Variants in EPN2 observed in about 807,000 individuals in gnomAD.
EPN2 encodes the protein epsin 2.
Under a neutral mutation model 61.7 loss-of-function variants are expected in EPN2, and 34 were observed. That is an observed-to-expected ratio of 0.55 (90% CI 0.42 to 0.73). The LOEUF (loss-of-function observed/expected upper bound fraction) is 0.73, where lower values mean the gene tolerates loss of function less well. Among genes scored for constraint, EPN2 ranks in the 30% least tolerant of loss-of-function variants. The pLI is 0.00. For synonymous variants in EPN2, 349 were observed against 353.6 expected (o/e 0.99, Z 0.15); for missense variants, 714 against 839.2 (o/e 0.85, Z 1.84).
chr17:19,329,057 T>A, intron 8 of EPN2, 170 bp downstream of exon 8: 1 of 593,614 alleles, frequency 1.7e-6, no homozygotes. Context: ...AGTGTGAGAG[T>A]GAGTGAGTGC....
chr17:19,328,072 TTC>T (rs1346125790), intron 7 of EPN2, among the ~76,000 whole-genome samples: 3 of 152,182 alleles, frequency 2.0e-5, no homozygotes, highest in Non-Finnish European at 4.4e-5. Context: ...AAAAATTTTT[TTC>T]TCTGTTTTTT....
chr17:19,300,511 C>T (rs1009393281), intron 4 of EPN2, among the ~76,000 whole-genome samples: 7 of 147,316 alleles, frequency 4.8e-5, no homozygotes, highest in Non-Finnish European at 8.9e-5. Flanking sequence ...TCACTGCAGC[C>T]TCCGCCTCCT....
intron 10 of EPN2, among the ~76,000 whole-genome samples, chr17:19,332,757 A>G (rs576587411): frequency 7.9e-5 from 12 of 152,188 alleles, no homozygotes; most frequent in Non-Finnish European, 1.3e-4. Flanking sequence ...TAATGAAAGC[A>G]TCTTCCTCAT....
In EPN2 at chr17:19,334,300, C is replaced by T. The variant is rs11656071; in HGVS notation, c.*46C>T. 0.2 allele frequency: 268,497 copies of T among 1,351,334 alleles called. 30,161 individuals carry two copies. The highest frequency in any genetic ancestry group is 0.23 in the Non-Finnish European group (236,260 of 1,039,044). 83.7% of individuals were successfully genotyped at this position (1,351,334 alleles called of 1,614,324 possible). A position where few individuals can be genotyped will look rare whatever the true frequency, so the allele number is the denominator to read the frequency against. ...CCAGAGCACCTGTGCTGGAGGATGC[C>T]GAGCAGGGACTCTCGTCTGTGGGAC... On this transcript the variant is annotated 3_prime_UTR_variant, in exon 11 of 11. Transcript: ENST00000314728. The surrounding 1 kb of genome is among the most constrained non-coding windows in gnomAD (Gnocchi z 4.9).
chr17:19,282,554 A>G (rs2045368371), intron 2 of EPN2: 1 of 152,212 alleles, frequency 6.6e-6, no homozygotes, highest in South Asian at 2.1e-4. Context: ...TCAGCTTCGC[A>G]AAGTGCTGGG....
In EPN2 at chr17:19,285,300, G is replaced by A. The variant is rs1597994399; in HGVS notation, c.596-320G>A. Among the ~76,000 whole-genome samples, 3 of 152,230 alleles carry A rather than the reference G, an allele frequency of 2.0e-5. No individual in the cohort carries two copies. Among genetic ancestry groups the A allele is most frequent in the East Asian group, 3.8e-4 (2 of 5,200 alleles). On this transcript the variant is annotated intron_variant, in intron 3 of 10. Coordinates refer to ENST00000314728, the MANE Select transcript of EPN2 (RefSeq NM_014964.5). This position sits in a 1 kb window ranked among gnomAD's most constrained non-coding sequence, Gnocchi z 4.5. ...ATTTGTGGAACTTTGCAGATGCAGG[G>A]GTTGGAACAGTGGGGATGCAGGAGC...
At chr17:19,245,639 G>A (rs1335321922) in intron 1 of EPN2, among the ~76,000 whole-genome samples, 3 of 149,486 alleles carry the variant, frequency 2.0e-5, no homozygotes, top group Admixed American at 6.6e-5. Context: ...GTTTTGCCAT[G>A]TTAGCCAGGA....
chr17:19,246,315 C>T (rs2152200200), intron 1 of EPN2, among the ~76,000 whole-genome samples: 1 of 152,234 alleles, frequency 6.6e-6, no homozygotes, highest in Admixed American at 6.5e-5. Flanking sequence ...TGAGATCATG[C>T]CACTGCACTC....
chr17:19,275,937 C>T (rs1690060439), intron 1 of EPN2, among the ~76,000 whole-genome samples: 1 of 152,222 alleles, frequency 6.6e-6, no homozygotes, highest in Non-Finnish European at 1.5e-5. Flanking sequence ...CATGGTGCTA[C>T]TTCCCCAGGC....
chr17:19,276,773 GTTTTT>G (rs80078595), intron 1 of EPN2, among the ~76,000 whole-genome samples: 2 of 119,328 alleles, frequency 1.7e-5, no homozygotes, highest in Non-Finnish European at 1.6e-5. Flanking sequence ...ATGAGAATAA[GTTTTT>G]TTTTTTTTTT....
chr17:19,247,118 A>G (rs918690126), intron 1 of EPN2, among the ~76,000 whole-genome samples: 2 of 152,164 alleles, frequency 1.3e-5, no homozygotes, highest in African/African-American at 2.4e-5. Context: ...TATAATGACT[A>G]TACTATGGAT....
chr17:19,246,017 G>A (rs1342559042), intron 1 of EPN2, among the ~76,000 whole-genome samples: 1 of 151,944 alleles, frequency 6.6e-6, no homozygotes, highest in Non-Finnish European at 1.5e-5. Flanking sequence ...CCCAAGTGCT[G>A]GGATTACAGG....
chr17:19,294,989 G>A (rs2045500627), intron 4 of EPN2, among the ~76,000 whole-genome samples: 1 of 152,060 alleles, frequency 6.6e-6, no homozygotes, highest in Non-Finnish European at 1.5e-5. Context: ...AAACAGGAGG[G>A]AAGGCATGCA....
intron 10 of EPN2, among the ~76,000 whole-genome samples, chr17:19,332,498 C>T (rs1907209180): frequency 6.6e-6 from 1 of 152,130 alleles, no homozygotes; most frequent in Non-Finnish European, 1.5e-5. Flanking sequence ...CCCTTGCTTC[C>T]ACTCCTGGTG....
chr17:19,332,145 T>C lies in EPN2; in HGVS notation c.1627+77T>C, dbSNP rs535542834. 7 of 1,127,432 alleles carry C rather than the reference T, an allele frequency of 6.2e-6. No homozygotes were observed. The East Asian group carries it at 1.4e-4, about 23-fold the overall frequency. The allele number at this position is 1,127,432 out of a possible 1,614,324, so 69.8% of individuals were successfully genotyped here. A position where few individuals can be genotyped will look rare whatever the true frequency, so the allele number is the denominator to read the frequency against. ...TGTGCAGCAGGCCTCTTGGGGGCTC[T>C]TCCCACTGTGTGACGGGGAAGGGGT... On this transcript the variant is annotated intron_variant, in intron 10 of 10. Transcript: ENST00000314728.
At chr17:19,252,574 TTTATAAAC>T (rs2045026602) in intron 1 of EPN2, among the ~76,000 whole-genome samples, 1 of 152,228 alleles carries the variant, frequency 6.6e-6, no homozygotes, top group South Asian at 2.1e-4. Context: ...TAATGGACTC[TTTATAAAC>T]TTATTTTTAA....
intron 1 of EPN2, among the ~76,000 whole-genome samples, chr17:19,250,024 T>G (rs528140388): frequency 6.6e-6 from 1 of 152,238 alleles, no homozygotes; most frequent in South Asian, 2.1e-4. Context: ...CTTTTAAGGA[T>G]CCTTGTGATT....
intron 10 of EPN2, 59 bp downstream of exon 10, chr17:19,332,127 C>A: frequency 7.4e-7 from 1 of 1,351,828 alleles, no homozygotes; most frequent in Non-Finnish European, 1.0e-6. Flanking sequence ...GGGTGTGCAG[C>A]AGGCCTCTTG....
At chr17:19,315,464 C>T (rs1167037089) in intron 7 of EPN2, among the ~76,000 whole-genome samples, 2 of 152,076 alleles carry the variant, frequency 1.3e-5, no homozygotes, top group Non-Finnish European at 2.9e-5. Flanking sequence ...ATTTTAAGAA[C>T]TTGAGATAAA....
Sources: gnomAD v4.1 joint callset for allele counts (sites outside exome capture counted in the v4.1 genomes callset) on GRCh38, gnomAD v4.1.1 for gene constraint, Gnocchi (gnomAD v3.1) non-coding constraint, MANE v1.5 for transcripts, NCBI Gene and HGNC (gene_info 2026-07-23, HGNC 2026-07-21) for gene names.